Variants in TRIM71 observed in about 807,000 individuals in gnomAD.
The protein encoded by TRIM71 is E3 ubiquitin-protein ligase TRIM71.
Under a neutral mutation model 61.2 loss-of-function variants are expected in TRIM71, and 9 were observed. That is an observed-to-expected ratio of 0.15 (90% CI 0.09 to 0.26). TRIM71 has a LOEUF of 0.26. Among genes scored for constraint, TRIM71 ranks in the 10% least tolerant of loss-of-function variants. The pLI is 1.00. For synonymous variants in TRIM71, 645 were observed against 553.2 expected (o/e 1.17, Z -2.33); for missense variants, 998 against 1,238.7 (o/e 0.81, Z 2.92).
At chr3:32,831,249 T>C (rs1173458877) in intron 1 of TRIM71, among the ~76,000 whole-genome samples, 2 of 152,082 alleles carry the variant, frequency 1.3e-5, no homozygotes, top group South Asian at 2.1e-4. Context: ...GAGTAACAAC[T>C]GGATTTAAGT....
chr3:32,840,681 C>T (rs561876669), intron 1 of TRIM71, among the ~76,000 whole-genome samples: 97 of 152,282 alleles, frequency 6.4e-4, no homozygotes, highest in African/African-American at 2.3e-3. Flanking sequence ...CCACCCCCAA[C>T]CCACATGCTT....
intron 1 of TRIM71, among the ~76,000 whole-genome samples, chr3:32,853,926 C>T (rs1179261469): frequency 6.6e-6 from 1 of 152,054 alleles, no homozygotes; most frequent in Non-Finnish European, 1.5e-5. Flanking sequence ...ATCATTTGAA[C>T]TCAAGAGGCG....
rs372117970 is a variant in TRIM71 at position 32,888,644 on chromosome 3, G to A, written c.1156-1716G>A. ...CAACCTCCGTCTCCTGGGTTCAAGC[G>A]ATTCTCCTGCCTCAGCCTCCCAAGT... On this transcript the variant is annotated intron_variant, in intron 3 of 3. Transcript: ENST00000383763. 1.6e-3 allele frequency among the ~76,000 whole-genome samples: 249 copies of A among 152,004 alleles called. 8 individuals carry two copies. In the South Asian group the frequency reaches 0.049, roughly 30 times the overall value.
At chr3:32,872,758 G>T (rs567645647) in intron 1 of TRIM71, among the ~76,000 whole-genome samples, 1 of 152,190 alleles carries the variant, frequency 6.6e-6, no homozygotes, top group Admixed American at 6.5e-5. Flanking sequence ...TGCTAACACT[G>T]TGGCCTTGAG....
intron 1 of TRIM71, among the ~76,000 whole-genome samples, chr3:32,836,964 G>A (rs1169753026): frequency 6.6e-6 from 1 of 152,052 alleles, no homozygotes; most frequent in Non-Finnish European, 1.5e-5. Flanking sequence ...CCTATTCCTG[G>A]GCTGGGTCTT....
intron 2 of TRIM71, among the ~76,000 whole-genome samples, chr3:32,876,763 G>T (rs1010573411): frequency 6.6e-6 from 1 of 152,190 alleles, no homozygotes; most frequent in Admixed American, 6.5e-5. Flanking sequence ...GAGAAAAAAT[G>T]AGTTGTAACA....
At chr3:32,874,150 C>T (rs866004645) in intron 2 of TRIM71, among the ~76,000 whole-genome samples, 165 bp downstream of exon 2, 1 of 152,198 alleles carries the variant, frequency 6.6e-6, no homozygotes, top group African/African-American at 2.4e-5. Context: ...GGGGTTCTGG[C>T]AGTCTCGTGA....
At chr3:32,881,974 C>T (rs1162216662) in intron 2 of TRIM71, among the ~76,000 whole-genome samples, 2 of 152,126 alleles carry the variant, frequency 1.3e-5, no homozygotes, top group African/African-American at 4.8e-5. Flanking sequence ...GCTTTGAATC[C>T]CCCTTTGAAC....
chr3:32,870,077 A>G (rs1369080556), intron 1 of TRIM71, among the ~76,000 whole-genome samples: 3 of 152,172 alleles, frequency 2.0e-5, no homozygotes, highest in Non-Finnish European at 4.4e-5. Context: ...CACCTGTTTC[A>G]GAGAGAATTA....
chr3:32,895,172 ATGTGCCC>A lies in TRIM71; in HGVS notation c.*3365_*3371del, dbSNP rs1559553329. On this transcript the variant is annotated 3_prime_UTR_variant, in exon 4 of 4. Transcript: ENST00000383763. ...CCAAGATCTAATGCTGTCTCAGAACATGTGCCCTGTTGTGGCTGCAAGTGGCACTCAA... is the reference window on the plus strand; with the variant it reads ...CCAAGATCTAATGCTGTCTCAGAACATGTTGTGGCTGCAAGTGGCACTCAA... 1 of 152,236 alleles carries A rather than the reference ATGTGCCC, an allele frequency of 6.6e-6. No individual in the cohort carries two copies. The highest frequency in any genetic ancestry group is 1.5e-5 in the Non-Finnish European group (1 of 68,036). The allele number at this position is 152,236 out of a possible 1,614,324, so 9.4% of individuals were successfully genotyped here.
At chr3:32,855,481 G>C (rs912776157) in intron 1 of TRIM71, among the ~76,000 whole-genome samples, 1 of 152,124 alleles carries the variant, frequency 6.6e-6, no homozygotes, top group African/African-American at 2.4e-5. Context: ...GCCTCTGGAG[G>C]GTTTTAAAGA....
chr3:32,830,693 T>C (rs879206822), intron 1 of TRIM71, among the ~76,000 whole-genome samples: 7 of 152,248 alleles, frequency 4.6e-5, no homozygotes, highest in African/African-American at 1.2e-4. Context: ...CAATGAGTTA[T>C]GCAAGTTGGG....
intron 2 of TRIM71, 21 bp from the exon 3 acceptor site, chr3:32,885,913 T>TC: frequency 1.9e-6 from 3 of 1,607,252 alleles, no homozygotes; most frequent in Non-Finnish European, 2.5e-6. Context: ...GCCTCGAAGT[T>TC]GTTTCTTTTT....
chr3:32,844,489 C>G (rs1696448389), intron 1 of TRIM71, among the ~76,000 whole-genome samples: 1 of 152,160 alleles, frequency 6.6e-6, no homozygotes, highest in Non-Finnish European at 1.5e-5. Context: ...CTCGGCCTCC[C>G]AGACTCAAGC....
At chr3:32,876,246 C>T (rs574181557) in intron 2 of TRIM71, among the ~76,000 whole-genome samples, 1 of 152,072 alleles carries the variant, frequency 6.6e-6, no homozygotes, top group African/African-American at 2.4e-5. Context: ...GGTGTCTCCT[C>T]GACACCGGTG....
chr3:32,822,784 T>A (rs1315009258), intron 1 of TRIM71, among the ~76,000 whole-genome samples: 1 of 152,192 alleles, frequency 6.6e-6, no homozygotes, highest in Non-Finnish European at 1.5e-5. Flanking sequence ...GAAATGTAGG[T>A]ATAGCTAAAG....
Position 32,818,659 on chromosome 3 carries a change from C to G in TRIM71, c.579C>G (p.Leu193=), listed in dbSNP as rs753768932. The G allele has an allele frequency of 2.0e-6, 3 of 1,513,146 alleles. No homozygotes were observed. The highest frequency in any genetic ancestry group is 2.6e-6 in the Non-Finnish European group (3 of 1,140,696). The allele number at this position is 1,513,146 out of a possible 1,614,324, so 93.7% of individuals were successfully genotyped here. A position where few individuals can be genotyped will look rare whatever the true frequency, so the allele number is the denominator to read the frequency against. ...GPAASPSALL[L]RRPHGCSSCD... ...CCGCTTCCCCGTCGGCGCTGCTGCT[C>G]CGCCGTCCTCACGGCTGCAGCTCGT... The change falls in exon 1 of 4, where the codon CTC becomes CTG. Residue 193 remains leucine (L), a synonymous_variant. Coordinates refer to ENST00000383763, the MANE Select transcript of TRIM71 (RefSeq NM_001039111.3).
At chr3:32,867,793 G>A (rs998628833) in intron 1 of TRIM71, among the ~76,000 whole-genome samples, 3 of 152,052 alleles carry the variant, frequency 2.0e-5, no homozygotes, top group East Asian at 1.9e-4. Context: ...GTACCGTGTT[G>A]CACATCAGTT....
chr3:32,868,714 C>T (rs1410980022), intron 1 of TRIM71, among the ~76,000 whole-genome samples: 4 of 140,288 alleles, frequency 2.9e-5, no homozygotes, highest in African/African-American at 1.1e-4. Flanking sequence ...AAACTGTTTG[C>T]TTGTATTACT....
Sources: gnomAD v4.1 joint callset for allele counts (sites outside exome capture counted in the v4.1 genomes callset) on GRCh38, gnomAD v4.1.1 for gene constraint, MANE v1.5 for transcripts, NCBI Gene and HGNC (gene_info 2026-07-23, HGNC 2026-07-21) for gene names.